Variants in PPP2R2B observed in about 807,000 individuals in gnomAD.
The protein encoded by PPP2R2B is serine/threonine-protein phosphatase 2A 55 kDa regulatory subunit B beta isoform.
A neutral mutation model predicts 46.0 loss-of-function variants in PPP2R2B; 5 were observed. That is an observed-to-expected ratio of 0.11 (90% confidence interval 0.06 to 0.23). PPP2R2B has a LOEUF of 0.23. Ranked by LOEUF, PPP2R2B falls within the 10% of genes least tolerant of loss-of-function variation. PPP2R2B has a pLI of 1.00. For synonymous variants in PPP2R2B, 215 were observed against 206.7 expected, an observed-to-expected ratio of 1.04 and a Z score of -0.34; for missense variants, 367 against 575.0, an observed-to-expected ratio of 0.64 and a Z score of 3.70.
chr5:146,819,022 A>C (rs1355703734), intron 2 of PPP2R2B, among the ~76,000 whole-genome samples: 2 of 152,204 alleles, frequency 1.3e-5, no homozygotes, highest in Non-Finnish European at 2.9e-5. Flanking sequence ...TTGAAAATCA[A>C]ACATTCCTAC....
chr5:146,962,982 A>G lies in PPP2R2B; in HGVS notation c.79+92683T>C, dbSNP rs140972470. Among the ~76,000 whole-genome samples the G allele has an allele frequency of 3.0e-3, 452 of 152,362 alleles. 5 individuals carry two copies. Among genetic ancestry groups the G allele is most frequent in the Middle Eastern group, 0.01 (3 of 294 alleles). ...AGACTTTCTTAGTGGAGCTGAATAG[A>G]GAACACAGGCCCCTTTACTGTGCTG... On this transcript the variant is annotated intron_variant, in intron 1 of 8. Transcript: ENST00000336640.
chr5:146,804,472 C>A (rs1482496951), intron 2 of PPP2R2B, among the ~76,000 whole-genome samples: 2 of 152,100 alleles, frequency 1.3e-5, no homozygotes, highest in Non-Finnish European at 2.9e-5. Context: ...CCCCTCTAAC[C>A]CTGCTCTGAT....
intron 7 of PPP2R2B, among the ~76,000 whole-genome samples, chr5:146,634,946 GA>G (rs1239933993): frequency 1.3e-5 from 2 of 152,128 alleles, no homozygotes; most frequent in Non-Finnish European, 2.9e-5. Context: ...AATGAATAAT[GA>G]GGCCTCCTAT....
rs889796461 is a variant in PPP2R2B, at chr5:146,794,936, G to A, written c.70+83066C>T. On this transcript the variant is annotated intron_variant, in intron 2 of 9. Transcript: ENST00000394411. The stretch of plus-strand genomic sequence containing the variant: ...TCTAAAACAGGAAAATCAAGACAAT[G>A]AATAGTGGTGTCTTCCTCCTGCCCC... 2.6e-5 allele frequency among the ~76,000 whole-genome samples: 4 copies of A among 152,114 alleles called. No individual in the cohort carries two copies. In the South Asian group the frequency reaches 8.3e-4, roughly 31 times the overall value.
At chr5:146,896,798 T>A (rs1241329015) in intron 1 of PPP2R2B, among the ~76,000 whole-genome samples, 4 of 152,126 alleles carry the variant, frequency 2.6e-5, no homozygotes, top group African/African-American at 9.7e-5. Flanking sequence ...GGGTTGTCAA[T>A]ACATGAAAGC....
At position 146,727,368 on chromosome 5, in the gene PPP2R2B, T is replaced by C. The variant is rs145941384; in HGVS notation, c.71-26226A>G. Among the ~76,000 whole-genome samples the C allele has an allele frequency of 4.5e-4, 68 of 152,216 alleles. No individual in the cohort carries two copies. In the East Asian group the frequency reaches 0.01, roughly 23 times the overall value. On this transcript the variant is annotated intron_variant, in intron 2 of 9. Transcript: ENST00000394411. Reference sequence around the variant, plus strand: ...TGAATAATTGTACATATTTATGGGGTACAATGTGATATTTCAATATACATT... The same window carrying C: ...TGAATAATTGTACATATTTATGGGGCACAATGTGATATTTCAATATACATT...
At chr5:146,641,039 C>T (rs541179450) in intron 6 of PPP2R2B, among the ~76,000 whole-genome samples, 8 of 152,246 alleles carry the variant, frequency 5.3e-5, no homozygotes, top group African/African-American at 9.6e-5. Context: ...ATGATTATCC[C>T]TCTTTTTAAT....
chr5:146,594,041 A>C (rs2151004597), intron 8 of PPP2R2B, among the ~76,000 whole-genome samples: 1 of 152,250 alleles, frequency 6.6e-6, no homozygotes, highest in South Asian at 2.1e-4. Flanking sequence ...GGAGAGAAAA[A>C]CAGGAGTCAA....
chr5:146,655,018 G>T (rs1008254449), intron 5 of PPP2R2B, among the ~76,000 whole-genome samples: 1 of 152,220 alleles, frequency 6.6e-6, no homozygotes, highest in African/African-American at 2.4e-5. Context: ...TGTGCTGAGT[G>T]AACAGTGGTC....
chr5:146,894,315 T>C (rs1762579503), intron 1 of PPP2R2B, among the ~76,000 whole-genome samples: 1 of 152,232 alleles, frequency 6.6e-6, no homozygotes, highest in Non-Finnish European at 1.5e-5. Context: ...CTTTAAGGAT[T>C]AGCTACTCTC....
chr5:146,706,919 C>G lies in PPP2R2B; in HGVS notation c.71-5777G>C, dbSNP rs562053692. The G allele has an allele frequency of 1.5e-5, 19 of 1,241,736 alleles. No individual in the cohort carries two copies. The East Asian group carries it at 4.4e-4, about 29-fold the overall frequency. The allele number at this position is 1,241,736 out of a possible 1,614,324, so 76.9% of individuals were successfully genotyped here. On this transcript the variant is annotated intron_variant, in intron 2 of 9. Transcript: ENST00000394411. ...GTCCGAGATCTGGGACTGCAGCTCCCGGATCTCCTCTTCATACAGCTGCCT... is the reference window on the plus strand; with the variant it reads ...GTCCGAGATCTGGGACTGCAGCTCCGGGATCTCCTCTTCATACAGCTGCCT...
chr5:147,064,379 T>C (rs925045803), intron 2 of PPP2R2B, among the ~76,000 whole-genome samples: 10 of 152,144 alleles, frequency 6.6e-5, no homozygotes, highest in African/African-American at 2.2e-4. Context: ...TAGAGGCCAG[T>C]AGCACACTTC....
intron 1 of PPP2R2B, among the ~76,000 whole-genome samples, chr5:146,884,561 G>C (rs752451775): frequency 6.6e-6 from 1 of 152,130 alleles, no homozygotes; most frequent in African/African-American, 2.4e-5. Flanking sequence ...AATATCTACT[G>C]TGCGTGATTT....
intron 2 of PPP2R2B, among the ~76,000 whole-genome samples, chr5:146,766,984 G>T (rs1384789715): frequency 6.2e-5 from 9 of 145,036 alleles, no homozygotes; most frequent in Non-Finnish European, 7.5e-5. Flanking sequence ...AACCTGGGAG[G>T]CAGAGGTTGC....
At chr5:146,758,064 A>G (rs1263707199) in intron 2 of PPP2R2B, among the ~76,000 whole-genome samples, 1 of 152,194 alleles carries the variant, frequency 6.6e-6, no homozygotes, top group Non-Finnish European at 1.5e-5. Flanking sequence ...GCTATTCCTC[A>G]GTTGATTTTG....
chr5:146,767,002 C>T (rs965640139), intron 2 of PPP2R2B, among the ~76,000 whole-genome samples: 7 of 136,724 alleles, frequency 5.1e-5, no homozygotes, highest in Admixed American at 4.9e-4. Flanking sequence ...TGCAGTGAGC[C>T]GAGACCACAC....
At chr5:146,972,072 C>T (rs894087125) in intron 1 of PPP2R2B, among the ~76,000 whole-genome samples, 4 of 152,162 alleles carry the variant, frequency 2.6e-5, no homozygotes, top group Non-Finnish European at 5.9e-5. Flanking sequence ...TCCTTAGTCT[C>T]ACCTGGTTTC....
At chr5:146,653,375 T>C (rs1776105015) in intron 5 of PPP2R2B, among the ~76,000 whole-genome samples, 1 of 152,168 alleles carries the variant, frequency 6.6e-6, no homozygotes, top group Admixed American at 6.5e-5. Flanking sequence ...GAAACCTCAA[T>C]TAGGTGTTGT....
chr5:146,789,252 G>A lies in PPP2R2B; in HGVS notation c.71-88110C>T, dbSNP rs114439857. Among the ~76,000 whole-genome samples, 1,188 of 152,200 alleles carry A rather than the reference G, an allele frequency of 7.8e-3. 17 individuals are homozygous for A. The highest frequency in any genetic ancestry group is 0.028 in the African/African-American group (1,142 of 41,508). On this transcript the variant is annotated intron_variant, in intron 2 of 9. Coordinates refer to ENST00000394411, the MANE Select transcript of PPP2R2B (RefSeq NM_181675.4). ...GGCAAGAGAAAATAGCCAAAAACTTGGGGGGCAAATGGGTAAGACTTGGAA... is the reference window on the plus strand; with the variant it reads ...GGCAAGAGAAAATAGCCAAAAACTTAGGGGGCAAATGGGTAAGACTTGGAA...
Sources: gnomAD v4.1 joint callset for allele counts (sites outside exome capture counted in the v4.1 genomes callset) on GRCh38, gnomAD v4.1.1 for gene constraint, MANE v1.5 for transcripts, NCBI Gene and HGNC (gene_info 2026-07-23, HGNC 2026-07-21) for gene names.